STAC: variants seen among roughly 807,000 people sequenced by gnomAD.
STAC encodes SH3 and cysteine-rich domain-containing protein.
STAC carries 43 observed loss-of-function variants against 48.8 expected under a neutral mutation model. The observed-to-expected ratio is 0.88, with a 90% confidence interval of 0.69 to 1.14. STAC has a LOEUF of 1.14. Ranked by LOEUF, STAC falls within the 50% of genes most tolerant of loss-of-function variation. STAC has a pLI of 0.00. For missense variants in STAC, 497 were observed against 504.0 expected, an observed-to-expected ratio of 0.99 and a Z score of 0.13; for synonymous variants, 193 against 179.5, an observed-to-expected ratio of 1.07 and a Z score of -0.60.
chr3:36,528,593 T>C lies in STAC; in HGVS notation c.921-103T>C. 5.2e-6 allele frequency: 5 copies of C among 962,586 alleles called. 1 individual carries two copies. Among genetic ancestry groups the C allele is most frequent in the Non-Finnish European group, 7.5e-6 (5 of 665,882 alleles). The allele number at this position is 962,586 out of a possible 1,614,324, so 59.6% of individuals were successfully genotyped here. A position where few individuals can be genotyped will look rare whatever the true frequency, so the allele number is the denominator to read the frequency against. On this transcript the variant is annotated intron_variant, in intron 8 of 10. Transcript: ENST00000273183. ...GTTATATTTACTTTATTTCTATTTC[T>C]TTTAAGACTATTTGTGTAAATGAGA...
At chr3:36,493,564 C>T (rs1698053327) in intron 6 of STAC, among the ~76,000 whole-genome samples, 1 of 151,744 alleles carries the variant, frequency 6.6e-6, no homozygotes, top group African/African-American at 2.4e-5. Context: ...TCATTTTCTC[C>T]ACTGAGCTAG....
chr3:36,448,196 T>G (rs1438512574), intron 2 of STAC, among the ~76,000 whole-genome samples: 1 of 147,326 alleles, frequency 6.8e-6, no homozygotes, highest in Non-Finnish European at 1.5e-5. Context: ...TTACTTTATT[T>G]TACTTTATTT....
At chr3:36,440,356 G>A (rs1422444171) in intron 1 of STAC, among the ~76,000 whole-genome samples, 1 of 152,166 alleles carries the variant, frequency 6.6e-6, no homozygotes, top group Non-Finnish European at 1.5e-5. Flanking sequence ...TGTGTGGGTT[G>A]ACAATTTGAC....
At chr3:36,448,664 T>A (rs929332932) in intron 2 of STAC, among the ~76,000 whole-genome samples, 3 of 152,152 alleles carry the variant, frequency 2.0e-5, no homozygotes, top group Non-Finnish European at 4.4e-5. Context: ...CTTCAAATAG[T>A]TGAAAAGATC....
At chr3:36,445,406 C>G (rs1696480612) in intron 2 of STAC, among the ~76,000 whole-genome samples, 1 of 151,606 alleles carries the variant, frequency 6.6e-6, no homozygotes, top group African/African-American at 2.4e-5. Flanking sequence ...ACAAAATAAA[C>G]CAAATATTAG....
chr3:36,515,559 G>C (rs938490490), intron 8 of STAC, among the ~76,000 whole-genome samples: 3 of 152,190 alleles, frequency 2.0e-5, no homozygotes, highest in African/African-American at 7.2e-5. Context: ...GTGAGACTTT[G>C]ATTAATGCTC....
intron 2 of STAC, among the ~76,000 whole-genome samples, chr3:36,453,021 G>C (rs1696728408): frequency 6.6e-6 from 1 of 152,238 alleles, no homozygotes; most frequent in Admixed American, 6.5e-5. Flanking sequence ...ATTGCTAATG[G>C]GAGGATATCT....
intron 5 of STAC, among the ~76,000 whole-genome samples, chr3:36,492,021 AAAAAAAAAAAATATAT>A (rs1697983761): frequency 3.8e-5 from 1 of 26,320 alleles, no homozygotes. Context: ...AAAAAAAAAA[AAAAAAAAAAAATATAT>A]ATATATATAT....
At chr3:36,444,440 A>G (rs914230965) in intron 2 of STAC, among the ~76,000 whole-genome samples, 1 of 152,048 alleles carries the variant, frequency 6.6e-6, no homozygotes, top group African/African-American at 2.4e-5. Context: ...CAGCTTTGTT[A>G]TTGCATCTTC....
chr3:36,393,437 C>T (rs1173041882), intron 1 of STAC, among the ~76,000 whole-genome samples: 3 of 151,852 alleles, frequency 2.0e-5, no homozygotes, highest in Non-Finnish European at 4.4e-5. Context: ...TTATTTTAGG[C>T]AGTGATAAAG....
intron 8 of STAC, among the ~76,000 whole-genome samples, chr3:36,512,783 C>CTTTTT (rs901936471): frequency 7.9e-5 from 12 of 151,916 alleles, no homozygotes; most frequent in Admixed American, 5.3e-4. Context: ...ATCACACATA[C>CTTTTT]TTTTTTTTAT....
At chr3:36,385,433 C>A (rs1255359446) in intron 1 of STAC, among the ~76,000 whole-genome samples, 1 of 152,088 alleles carries the variant, frequency 6.6e-6, no homozygotes, top group African/African-American at 2.4e-5. Context: ...ATAAACACTT[C>A]TAAGGTATTT....
In STAC at chr3:36,505,744, AG is replaced by A. The variant is rs779637652; in HGVS notation, c.833del. On this transcript the variant is annotated splice_acceptor_variant, in intron 7 of 10. Coordinates refer to ENST00000273183, the MANE Select transcript of STAC (RefSeq NM_003149.3). LOFTEE classifies it high-confidence loss of function. ...TCATTTTTCTTTTATTTTCTCTTTCAGGGATCTCTTTCCAAAGACCCATTAC... is the reference window on the plus strand; with the variant it reads ...TCATTTTTCTTTTATTTTCTCTTTCAGGATCTCTTTCCAAAGACCCATTAC... The A allele has an allele frequency of 4.4e-6, 7 of 1,576,608 alleles. No homozygotes were observed. In the Admixed American group the frequency reaches 1.3e-4, roughly 29 times the overall value.
At chr3:36,487,524 A>G (rs1479689818) in intron 5 of STAC, among the ~76,000 whole-genome samples, 1 of 152,210 alleles carries the variant, frequency 6.6e-6, no homozygotes, top group East Asian at 1.9e-4. Context: ...AAGGGCCTAC[A>G]GTTTACTAGC....
chr3:36,457,610 C>T (rs1438339045), intron 2 of STAC, among the ~76,000 whole-genome samples: 4 of 152,132 alleles, frequency 2.6e-5, no homozygotes, highest in African/African-American at 9.7e-5. Flanking sequence ...AATTCTGAAG[C>T]AAGCACATGA....
intron 1 of STAC, among the ~76,000 whole-genome samples, chr3:36,383,525 C>T (rs1210248799): frequency 6.6e-6 from 1 of 152,076 alleles, no homozygotes; most frequent in Non-Finnish European, 1.5e-5. Context: ...TAACTTCACC[C>T]GTAAATATGC....
chr3:36,504,014 T>C (rs1698339735), intron 6 of STAC, among the ~76,000 whole-genome samples: 2 of 152,160 alleles, frequency 1.3e-5, no homozygotes, highest in Non-Finnish European at 1.5e-5. Flanking sequence ...TACAACTAAA[T>C]TGGACTATAT....
intron 2 of STAC, among the ~76,000 whole-genome samples, chr3:36,457,587 G>A (rs1047137526): frequency 6.6e-6 from 1 of 152,170 alleles, no homozygotes; most frequent in Middle Eastern, 3.2e-3. Flanking sequence ...CTTCAGCCTT[G>A]AGCTAGAAGA....
At chr3:36,437,870 G>T (rs1213142093) in intron 1 of STAC, among the ~76,000 whole-genome samples, 2 of 149,288 alleles carry the variant, frequency 1.3e-5, no homozygotes, top group Non-Finnish European at 3.0e-5. Context: ...TCTTTTTACT[G>T]CCGTAGCCCC....
Sources: allele counts gnomAD v4.1 joint callset (sites outside exome capture counted in the v4.1 genomes callset), GRCh38; gene constraint gnomAD v4.1.1; transcripts MANE v1.5; gene names NCBI Gene and HGNC (gene_info 2026-07-23, HGNC 2026-07-21).